Variants in NRXN3 observed in about 807,000 individuals in gnomAD.
NRXN3 encodes the protein neurexin III.
Under a neutral mutation model 137.6 loss-of-function variants are expected in NRXN3, and 32 were observed. The ratio of observed to expected loss-of-function variants is 0.23; its 90% CI spans 0.18 to 0.31. NRXN3 has a LOEUF of 0.31. NRXN3 is among the 10% of genes least tolerant of loss of function. NRXN3 has a pLI of 1.00. For synonymous variants in NRXN3, 798 were observed against 784.5 expected (o/e 1.02, Z -0.29); for missense variants, 1,574 against 2,062.5 (o/e 0.76, Z 4.59).
At chr14:79,162,422 T>C (rs930149712) in intron 15 of NRXN3, among the ~76,000 whole-genome samples, 6 of 151,806 alleles carry the variant, frequency 4.0e-5, no homozygotes, top group African/African-American at 1.5e-4. Context: ...GATAGTTTAC[T>C]GAGAATGATG....
chr14:78,775,300 G>A (rs996467776), intron 8 of NRXN3, among the ~76,000 whole-genome samples: 2 of 152,110 alleles, frequency 1.3e-5, no homozygotes, highest in African/African-American at 4.8e-5. Context: ...ATCTATACAA[G>A]TTAGTAGGAT....
chr14:79,364,155 C>G (rs1384089574), intron 15 of NRXN3, among the ~76,000 whole-genome samples: 1 of 152,192 alleles, frequency 6.6e-6, no homozygotes, highest in African/African-American at 2.4e-5. Flanking sequence ...CTTCAATTCA[C>G]TCCATTTCTC....
intron 1 of NRXN3, among the ~76,000 whole-genome samples, chr14:78,209,399 A>G (rs914169776): frequency 6.6e-6 from 1 of 152,172 alleles, no homozygotes; most frequent in Non-Finnish European, 1.5e-5. Context: ...CCATCTTCCT[A>G]TCTGCTCATG....
At chr14:79,205,488 T>C (rs149754148) in intron 15 of NRXN3, among the ~76,000 whole-genome samples, 186 of 152,330 alleles carry the variant, frequency 1.2e-3, no homozygotes, top group African/African-American at 4.3e-3. Flanking sequence ...CTTATCACCA[T>C]AGTTCAGCAC....
intron 15 of NRXN3, among the ~76,000 whole-genome samples, chr14:79,204,736 A>G (rs1358865777): frequency 2.0e-5 from 3 of 152,114 alleles, no homozygotes; most frequent in Non-Finnish European, 4.4e-5. Flanking sequence ...TGAATGTTAC[A>G]CTCCTGATTG....
At chr14:78,502,258 AG>A (rs2095893179) in intron 4 of NRXN3, among the ~76,000 whole-genome samples, 1 of 152,210 alleles carries the variant, frequency 6.6e-6, no homozygotes, top group African/African-American at 2.4e-5. Flanking sequence ...CCATGTTGAG[AG>A]GCTCACTCAA....
chr14:78,909,654 C>T (rs547151669), intron 10 of NRXN3, among the ~76,000 whole-genome samples: 8 of 151,982 alleles, frequency 5.3e-5, no homozygotes, highest in African/African-American at 1.9e-4. Context: ...CCATTTTTTT[C>T]AATTAATAAT....
intron 4 of NRXN3, among the ~76,000 whole-genome samples, chr14:78,545,078 T>A (rs2096625276): frequency 6.6e-6 from 1 of 152,228 alleles, no homozygotes; most frequent in Non-Finnish European, 1.5e-5. Flanking sequence ...TTATTGGCAT[T>A]CCTATAGATG....
intron 15 of NRXN3, among the ~76,000 whole-genome samples, chr14:79,361,723 T>C (rs1566911492): frequency 6.6e-6 from 1 of 152,036 alleles, no homozygotes. Flanking sequence ...GAAAAAGGAA[T>C]GACCCATACC....
rs570457448 is a variant in NRXN3 at position 78,902,042 on chromosome 14, G to C, written c.2276-55200G>C. Among the ~76,000 whole-genome samples the C allele has an allele frequency of 5.3e-5, 8 of 152,172 alleles. No homozygotes were observed. The South Asian group carries it at 1.7e-3, about 32-fold the overall frequency. ...ATTCCAGCATGAAGGCCAGGCATCAGTACCGATCTACCTTGTAGTGTGGTA... is the reference window on the plus strand; with the variant it reads ...ATTCCAGCATGAAGGCCAGGCATCACTACCGATCTACCTTGTAGTGTGGTA... On this transcript the variant is annotated intron_variant, in intron 10 of 20. Coordinates refer to ENST00000335750, the MANE Select transcript of NRXN3 (RefSeq NM_001330195.2).
intron 14 of NRXN3, among the ~76,000 whole-genome samples, chr14:78,980,503 A>C (rs2099486712): frequency 6.6e-6 from 1 of 152,204 alleles, no homozygotes. Flanking sequence ...ACCTACAAAC[A>C]ATAAAAAATA....
At chr14:79,048,677 C>CAGCTGCTGACTGATCAGGGTGGT (rs2099636650) in intron 15 of NRXN3, among the ~76,000 whole-genome samples, 5 of 150,820 alleles carry the variant, frequency 3.3e-5, no homozygotes, top group Admixed American at 3.3e-4. Context: ...TGGATGTTCA[C>CAGCTGCTGACTGATCAGGGTGGT]AGCTGCTGAC....
At chr14:78,822,180 A>G (rs150568) in intron 10 of NRXN3, among the ~76,000 whole-genome samples, 117,104 of 152,118 alleles carry the variant, frequency 0.77, 49,612 homozygotes, top group Non-Finnish European at 0.95. Flanking sequence ...AAGGATATTT[A>G]CAATAAACAT....
At chr14:78,347,925 G>A (rs190695761) in intron 4 of NRXN3, among the ~76,000 whole-genome samples, 152 of 152,288 alleles carry the variant, frequency 1.0e-3, no homozygotes, top group African/African-American at 3.6e-3. Context: ...CGTTGCAGAA[G>A]GGTTTGTGGA....
At chr14:79,367,275 G>A (rs191331744) in intron 15 of NRXN3, among the ~76,000 whole-genome samples, 4 of 152,296 alleles carry the variant, frequency 2.6e-5, no homozygotes, top group Non-Finnish European at 2.9e-5. Context: ...GAGCCACCAC[G>A]CCCTGCCCCC....
At chr14:79,713,478 G>GTATATATATATATATA (rs76633474) in intron 19 of NRXN3, among the ~76,000 whole-genome samples, 26 of 135,368 alleles carry the variant, frequency 1.9e-4, no homozygotes, top group Admixed American at 4.5e-4. Context: ...TATATATAAT[G>GTATATATATATATATA]TATATATATA....
intron 15 of NRXN3, among the ~76,000 whole-genome samples, chr14:79,314,816 A>T (rs1251204021): frequency 6.8e-6 from 1 of 146,712 alleles, no homozygotes; most frequent in Non-Finnish European, 1.5e-5. Context: ...CTGACACCTC[A>T]CACGGCAGGG....
chr14:78,884,360 C>A (rs1012861274), intron 10 of NRXN3, among the ~76,000 whole-genome samples: 10 of 152,116 alleles, frequency 6.6e-5, no homozygotes, highest in African/African-American at 1.9e-4. Flanking sequence ...ATAGCAATTA[C>A]CACCAACAAA....
chr14:79,141,182 C>G (rs1261573996), intron 15 of NRXN3, among the ~76,000 whole-genome samples: 1 of 152,142 alleles, frequency 6.6e-6, no homozygotes, highest in Admixed American at 6.5e-5. Flanking sequence ...GACAACACAG[C>G]TCATGCCAGT....
Sources: allele counts gnomAD v4.1 joint callset (sites outside exome capture counted in the v4.1 genomes callset), GRCh38; gene constraint gnomAD v4.1.1; transcripts MANE v1.5; gene names NCBI Gene and HGNC (gene_info 2026-07-23, HGNC 2026-07-21).